Variants in ENOX1 observed in about 807,000 individuals in gnomAD.
The protein encoded by ENOX1 is candidate growth-related and time keeping constitutive hydroquinone (NADH) oxidase.
Under a neutral mutation model 82.5 loss-of-function variants are expected in ENOX1, and 42 were observed. That is an observed-to-expected ratio of 0.51 (90% CI 0.40 to 0.66). The LOEUF is 0.66. Ranked by LOEUF, ENOX1 falls within the 30% of genes least tolerant of loss-of-function variation. The pLI is 0.00. For synonymous variants in ENOX1, 271 were observed against 282.2 expected, an observed-to-expected ratio of 0.96 and a Z score of 0.40; for missense variants, 608 against 811.6, an observed-to-expected ratio of 0.75 and a Z score of 3.05.
chr13:43,310,261 TAATC>T (rs1219115678), intron 11 of ENOX1, among the ~76,000 whole-genome samples: 2 of 148,026 alleles, frequency 1.4e-5, no homozygotes, highest in East Asian at 4.0e-4. Context: ...TAAGCACTAT[TAATC>T]AAACACTAAA....
chr13:43,737,180 T>C (rs1467861684), intron 1 of ENOX1, among the ~76,000 whole-genome samples: 1 of 152,164 alleles, frequency 6.6e-6, no homozygotes, highest in African/African-American at 2.4e-5. Context: ...AAATAATAAT[T>C]TAAATTTGTG....
At chr13:43,292,765 G>A (rs1364185903) in intron 12 of ENOX1, among the ~76,000 whole-genome samples, 2 of 148,100 alleles carry the variant, frequency 1.4e-5, no homozygotes, top group African/African-American at 5.0e-5. Context: ...AGCCACCGTT[G>A]CCACTATGGC....
At chr13:43,688,258 C>T (rs922128397) in intron 1 of ENOX1, among the ~76,000 whole-genome samples, 1 of 152,134 alleles carries the variant, frequency 6.6e-6, no homozygotes, top group South Asian at 2.1e-4. Flanking sequence ...TACTGTGGTG[C>T]CATATGGAGA....
chr13:43,577,391 C>T (rs2080487288), intron 2 of ENOX1, among the ~76,000 whole-genome samples: 1 of 152,148 alleles, frequency 6.6e-6, no homozygotes, highest in African/African-American at 2.4e-5. Flanking sequence ...CTTAGCCTCC[C>T]AAAGTGCTAG....
At chr13:43,374,922 G>A (rs2051512683) in intron 5 of ENOX1, among the ~76,000 whole-genome samples, 1 of 152,156 alleles carries the variant, frequency 6.6e-6, no homozygotes, top group African/African-American at 2.4e-5. Context: ...GGGAAAAGCA[G>A]GATGCACAGT....
Position 43,492,335 on chromosome 13 carries a change from A to G in ENOX1, c.-218-8183T>C, listed in dbSNP as rs185290901. On this transcript the variant is annotated intron_variant, in intron 2 of 16. Transcript: ENST00000690772. ...TGCTTTGACTGAAGCCTTGTGAGAGACCCAGAGTTGGAGGACCCAGCTAAG... is the reference window on the plus strand; with the variant it reads ...TGCTTTGACTGAAGCCTTGTGAGAGGCCCAGAGTTGGAGGACCCAGCTAAG... Among the ~76,000 whole-genome samples, 5 of 152,248 alleles carry G rather than the reference A, an allele frequency of 3.3e-5. No homozygotes were observed. The East Asian group carries it at 9.7e-4, about 29-fold the overall frequency.
Position 43,235,135 on chromosome 13 carries a change from A to C in ENOX1, c.1714+1501T>G, listed in dbSNP as rs2153458223. 1.3e-5 allele frequency among the ~76,000 whole-genome samples: 2 copies of C among 152,306 alleles called. 1 individual carries two copies. The highest frequency in any genetic ancestry group is 3.9e-4 in the East Asian group (2 of 5,184). On this transcript the variant is annotated intron_variant, in intron 15 of 16. Transcript: ENST00000690772. Reference sequence around the variant, plus strand: ...TGGACATGTTTTCCAATAGAAGAAAAATCCAGTTACCAACTACATATGGGT... The same window carrying C: ...TGGACATGTTTTCCAATAGAAGAAACATCCAGTTACCAACTACATATGGGT...
chr13:43,722,810 T>C (rs1056076098), intron 1 of ENOX1, among the ~76,000 whole-genome samples: 2 of 152,182 alleles, frequency 1.3e-5, no homozygotes, highest in Admixed American at 1.3e-4. Context: ...ATTGAACATT[T>C]ATCTGGCTGC....
intron 12 of ENOX1, among the ~76,000 whole-genome samples, chr13:43,273,871 A>G (rs1449195354): frequency 1.3e-5 from 2 of 152,222 alleles, no homozygotes; most frequent in Non-Finnish European, 2.9e-5. Flanking sequence ...GACTACATTC[A>G]CCAATATTAA....
intron 2 of ENOX1, among the ~76,000 whole-genome samples, chr13:43,634,415 G>A (rs1448704095): frequency 6.6e-6 from 1 of 152,114 alleles, no homozygotes; most frequent in African/African-American, 2.4e-5. Context: ...CACCTACGAT[G>A]GATTTCATTC....
chr13:43,324,667 G>A (rs927118042), intron 10 of ENOX1, among the ~76,000 whole-genome samples: 1 of 152,130 alleles, frequency 6.6e-6, no homozygotes, highest in Non-Finnish European at 1.5e-5. Flanking sequence ...AAGACCCTTC[G>A]CAGGAGCACC....
rs75336359 is a variant in ENOX1, at chr13:43,522,193, G to C, written c.-218-38041C>G. On this transcript the variant is annotated intron_variant, in intron 2 of 16. Transcript: ENST00000690772. ...ATGAGTCTTGGATTAGCTAGATTCAGATAATTCAATATTTTTACTACTAAA... is the reference window on the plus strand; with the variant it reads ...ATGAGTCTTGGATTAGCTAGATTCACATAATTCAATATTTTTACTACTAAA... Among the ~76,000 whole-genome samples the C allele has an allele frequency of 1.1e-3, 173 of 152,178 alleles. 1 individual carries two copies. The highest frequency in any genetic ancestry group is 4.0e-3 in the African/African-American group (165 of 41,538).
chr13:43,721,215 C>T (rs1414467912), intron 1 of ENOX1, among the ~76,000 whole-genome samples: 1 of 151,980 alleles, frequency 6.6e-6, no homozygotes, highest in Admixed American at 6.6e-5. Flanking sequence ...CTTATACTTA[C>T]ATTTAAAACC....
chr13:43,493,209 A>G (rs2076681256), intron 2 of ENOX1, among the ~76,000 whole-genome samples: 1 of 152,066 alleles, frequency 6.6e-6, no homozygotes, highest in Non-Finnish European at 1.5e-5. Context: ...GACTGTTGAG[A>G]TAGAACTGAT....
At chr13:43,412,742 C>G in intron 4 of ENOX1, 103 bp downstream of exon 4, 1 of 1,358,436 alleles carries the variant, frequency 7.4e-7, no homozygotes, top group Non-Finnish European at 1.0e-6. Flanking sequence ...CTTTATGGGC[C>G]CAGGCTCCTG....
At chr13:43,354,931 T>C (rs1235826602) in intron 8 of ENOX1, among the ~76,000 whole-genome samples, 1 of 152,232 alleles carries the variant, frequency 6.6e-6, no homozygotes, top group Non-Finnish European at 1.5e-5. Context: ...CTTGACACTT[T>C]CATCAACATT....
chr13:43,431,545 A>G (rs9533484), intron 3 of ENOX1, among the ~76,000 whole-genome samples: 57,744 of 152,046 alleles, frequency 0.38, 11,697 homozygotes, highest in South Asian at 0.47. Flanking sequence ...TTAGTCATCC[A>G]TGAGGGCACA....
chr13:43,427,012 C>G (rs1227158624), intron 3 of ENOX1, among the ~76,000 whole-genome samples: 1 of 152,186 alleles, frequency 6.6e-6, no homozygotes, highest in Non-Finnish European at 1.5e-5. Context: ...GGCTAATTCA[C>G]CATCCTTTTC....
At chr13:43,680,042 G>A (rs192114747) in intron 1 of ENOX1, among the ~76,000 whole-genome samples, 3 of 152,236 alleles carry the variant, frequency 2.0e-5, no homozygotes, top group Admixed American at 2.0e-4. Context: ...CCCTAAAGGG[G>A]TTTTTCTCAT....
Sources: gnomAD v4.1 joint callset for allele counts (sites outside exome capture counted in the v4.1 genomes callset) on GRCh38, gnomAD v4.1.1 for gene constraint, MANE v1.5 for transcripts, NCBI Gene and HGNC (gene_info 2026-07-23, HGNC 2026-07-21) for gene names.